CLPTM1: variants seen among roughly 807,000 people sequenced by gnomAD.
CLPTM1 encodes the protein CLPTM1 regulator of GABA type A receptor forward trafficking, also known as putative lipid scramblase CLPTM1.
A neutral mutation model predicts 77.3 loss-of-function variants in CLPTM1; 21 were observed. The ratio of observed to expected loss-of-function variants is 0.27; its 90% CI spans 0.19 to 0.39. The LOEUF (loss-of-function observed/expected upper bound fraction) is 0.39, where lower values mean the gene tolerates loss of function less well. Ranked by LOEUF, CLPTM1 falls within the 10% of genes least tolerant of loss-of-function variation. The pLI, the probability that CLPTM1 is intolerant of heterozygous loss-of-function variation, is 1.00. For synonymous variants in CLPTM1, 373 were observed against 381.0 expected (o/e 0.98, Z 0.24); for missense variants, 642 against 921.2 (o/e 0.70, Z 3.92).
In CLPTM1 at chr19:44,991,855, T is replaced by C. The variant is rs2122343051; in HGVS notation, c.1556-378T>C. Among the ~76,000 whole-genome samples, 1 of 151,982 alleles carries C rather than the reference T, an allele frequency of 6.6e-6. No homozygotes were observed. Among genetic ancestry groups the C allele is most frequent in the African/African-American group, 2.4e-5 (1 of 41,456 alleles). On this transcript the variant is annotated intron_variant, in intron 12 of 13. Coordinates refer to ENST00000337392, the MANE Select transcript of CLPTM1 (RefSeq NM_001294.4). The surrounding 1 kb of genome is among the most constrained non-coding windows in gnomAD (Gnocchi z 5.4). ...AGGAGGTTGAAGCTGCAGTGAGCCATGATTACGCCACTGCACTCCAGCCTG... is the reference window on the plus strand; with the variant it reads ...AGGAGGTTGAAGCTGCAGTGAGCCACGATTACGCCACTGCACTCCAGCCTG...
intron 2 of CLPTM1, among the ~76,000 whole-genome samples, chr19:44,971,345 G>T (rs1222161536): frequency 6.6e-6 from 1 of 150,558 alleles, no homozygotes; most frequent in Non-Finnish European, 1.5e-5. Flanking sequence ...AAAATATATT[G>T]ATATTTTCTT....
intron 8 of CLPTM1, 122 bp from the exon 9 acceptor site, chr19:44,987,955 TCTC>T (rs1232049583): frequency 1.4e-6 from 1 of 736,538 alleles, no homozygotes; most frequent in East Asian, 2.4e-5. Context: ...TCTGACCCAG[TCTC>T]CTCCTGGCTG....
intron 2 of CLPTM1, among the ~76,000 whole-genome samples, chr19:44,969,687 CT>C (rs11330180): frequency 0.31 from 40,867 of 132,254 alleles, 5,876 homozygotes; most frequent in East Asian, 0.44. Flanking sequence ...TTTAAGGACA[CT>C]TTTTTTTTTT....
chr19:44,955,858 T>C (rs557821600), intron 1 of CLPTM1: 93 of 188,578 alleles, frequency 4.9e-4, no homozygotes, highest in African/African-American at 2.0e-3. Flanking sequence ...CAGTGATTAA[T>C]TGGGAGTTTT....
chr19:44,959,346 C>T (rs1229618226), intron 1 of CLPTM1, among the ~76,000 whole-genome samples: 1 of 151,630 alleles, frequency 6.6e-6, no homozygotes, highest in Admixed American at 6.6e-5. Context: ...AGGCATGAGC[C>T]ACCACACCTG....
rs1180384389 is a variant in CLPTM1, at chr19:44,968,202, CGGA to C, written c.186-4883_186-4881del. On this transcript the variant is annotated intron_variant, in intron 2 of 13. Coordinates refer to ENST00000337392, the MANE Select transcript of CLPTM1 (RefSeq NM_001294.4). ...TCAAACATCAGTTCGGGTGGGTGCT[CGGA>C]GACCATCTTGGCTGCAGTTCTTAAA... 8.5e-5 allele frequency among the ~76,000 whole-genome samples: 13 copies of C among 152,238 alleles called. No individual in the cohort carries two copies. The South Asian group carries it at 2.7e-3, about 32-fold the overall frequency.
intron 2 of CLPTM1, among the ~76,000 whole-genome samples, chr19:44,967,960 G>C (rs1970660740): frequency 6.6e-6 from 1 of 151,748 alleles, no homozygotes; most frequent in Admixed American, 6.6e-5. Context: ...TTTTTTTCAT[G>C]CTGCAAGCAG....
In CLPTM1 at chr19:44,990,263, G is replaced by A. The variant is rs968170039; in HGVS notation, c.1133-132G>A. 9.3e-6 allele frequency: 8 copies of A among 858,542 alleles called. No individual in the cohort carries two copies. The highest frequency in any genetic ancestry group is 1.3e-5 in the Non-Finnish European group (7 of 544,488). 53.2% of individuals were successfully genotyped at this position (858,542 alleles called of 1,614,324 possible). ...AGCCTTCCTGGGAGAGAGGGGTCTCGTTCAGCACCCCTCCTGAGGACCCAG... is the reference window on the plus strand; with the variant it reads ...AGCCTTCCTGGGAGAGAGGGGTCTCATTCAGCACCCCTCCTGAGGACCCAG... On this transcript the variant is annotated intron_variant, in intron 9 of 13. Transcript: ENST00000337392. This position sits in a 1 kb window ranked among gnomAD's most constrained non-coding sequence, Gnocchi z 4.8.
At chr19:44,955,191 A>T, upstream of CLPTM1, 2 of 1,534,224 alleles carry the variant, frequency 1.3e-6, no homozygotes, top group Non-Finnish European at 1.7e-6. Flanking sequence ...AGGTGGAAAC[A>T]AACGGGCTGG....
Position 44,987,344 on chromosome 19 carries a change from C to T in CLPTM1, c.959C>T (p.Ala320Val). 6.2e-7 allele frequency: 1 copy of T among 1,614,226 alleles called. No individual in the cohort carries two copies. The highest frequency in any genetic ancestry group is 8.5e-7 in the Non-Finnish European group (1 of 1,180,022). Reference sequence around the variant, plus strand: ...CTTTGGCGCTGGCAGCTCTATGCTGCCCAGAGCACCAAGTCGCCCTGGAAC... The same window carrying T: ...CTTTGGCGCTGGCAGCTCTATGCTGTCCAGAGCACCAAGTCGCCCTGGAAC... ...LSLWRWQLYA[A>V]QSTKSPWNFL... The change falls in exon 8 of 14, where the codon GCC becomes GTC. Residue 320 changes from alanine (A) to valine (V), a missense_variant. Ala to Val is a moderately conservative substitution (Grantham distance 64, BLOSUM62 0). Transcript: ENST00000337392.
In CLPTM1 at chr19:44,975,976, C is replaced by T. The variant is rs112413870; in HGVS notation, c.469-1367C>T. On this transcript the variant is annotated intron_variant, in intron 4 of 13. Coordinates refer to ENST00000337392, the MANE Select transcript of CLPTM1 (RefSeq NM_001294.4). ...CTCCTGGGCTCAAGCAATCTTTTCA[C>T]CTCAGCCTCCCAAGTAGCTGGGACA... 4.9e-3 allele frequency among the ~76,000 whole-genome samples: 739 copies of T among 152,230 alleles called. 6 individuals are homozygous for T. The highest frequency in any genetic ancestry group is 0.017 in the African/African-American group (688 of 41,534).
chr19:44,984,821 G>A (rs1040529720), intron 5 of CLPTM1, among the ~76,000 whole-genome samples: 3 of 152,086 alleles, frequency 2.0e-5, no homozygotes, highest in East Asian at 1.9e-4. Flanking sequence ...CGAGTAGCTG[G>A]GATTACAGGC....
intron 2 of CLPTM1, among the ~76,000 whole-genome samples, chr19:44,967,545 T>C (rs1438425619): frequency 6.6e-6 from 1 of 151,676 alleles, no homozygotes; most frequent in Non-Finnish European, 1.5e-5. Context: ...TAATCCCAGC[T>C]ATTCAGGAGG....
chr19:44,993,103 C>G lies in CLPTM1; in HGVS notation c.*206C>G, dbSNP rs1390208404. On this transcript the variant is annotated 3_prime_UTR_variant, in exon 14 of 14. Coordinates refer to ENST00000337392, the MANE Select transcript of CLPTM1 (RefSeq NM_001294.4). ...GGAGGCGCTGTCTGTCCCTCTGTCCCTCTGTGTTTCCAGCCATCTCGCCCT... is the reference window on the plus strand; with the variant it reads ...GGAGGCGCTGTCTGTCCCTCTGTCCGTCTGTGTTTCCAGCCATCTCGCCCT... 1 of 643,930 alleles carries G rather than the reference C, an allele frequency of 1.6e-6. No individual in the cohort carries two copies. The highest frequency in any genetic ancestry group is 1.8e-5 in the African/African-American group (1 of 55,368). The allele number at this position is 643,930 out of a possible 1,614,324, so 39.9% of individuals were successfully genotyped here.
intron 4 of CLPTM1, among the ~76,000 whole-genome samples, chr19:44,976,194 A>T (rs204478): frequency 0.2 from 30,768 of 152,102 alleles, 3,393 homozygotes; most frequent in South Asian, 0.33. Context: ...TCCCACAGAG[A>T]CCTCAAGCCC....
At chr19:44,973,293 G>A (rs1490847433) in intron 3 of CLPTM1, 83 bp downstream of exon 3, 1 of 1,584,394 alleles carries the variant, frequency 6.3e-7, no homozygotes, top group Non-Finnish European at 8.6e-7. Context: ...CAGCAGTCGG[G>A]ACAGACCAGG....
chr19:44,959,999 C>G (rs61062133), intron 1 of CLPTM1, among the ~76,000 whole-genome samples: 9,724 of 152,240 alleles, frequency 0.064, 392 homozygotes, highest in African/African-American at 0.11. Context: ...GACCTGGCAT[C>G]AAGTGTCCTT....
Position 44,957,749 on chromosome 19 carries a change from C to T in CLPTM1, c.72+2282C>T, listed in dbSNP as rs549717681. Among the ~76,000 whole-genome samples, 6 of 152,358 alleles carry T rather than the reference C, an allele frequency of 3.9e-5. No homozygotes were observed. The South Asian group carries it at 1.2e-3, about 32-fold the overall frequency. ...GTGCACAGCAGGCACACCCTCTGCA[C>T]AGTCTGCTGCTTTAGCTAGCCTGCT... On this transcript the variant is annotated intron_variant, in intron 1 of 13. Coordinates refer to ENST00000337392, the MANE Select transcript of CLPTM1 (RefSeq NM_001294.4).
At chr19:44,955,206 A>G (rs8102895), upstream of CLPTM1, 21,932 of 1,530,866 alleles carry the variant, frequency 0.014, 193 homozygotes, top group Non-Finnish European at 0.017. Flanking sequence ...GGCTGGGAGA[A>G]AGACGAGTAC....
Sources: gnomAD v4.1 joint callset for allele counts (sites outside exome capture counted in the v4.1 genomes callset) on GRCh38, gnomAD v4.1.1 for gene constraint, Gnocchi (gnomAD v3.1) non-coding constraint, MANE v1.5 for transcripts, NCBI Gene and HGNC (gene_info 2026-07-23, HGNC 2026-07-21) for gene names.